The following ZNF563 variants were observed in gnomAD, a reference collection of about 807,000 sequenced individuals.
ZNF563 encodes the protein zinc finger protein 563.
A neutral mutation model predicts 48.5 loss-of-function variants in ZNF563; 39 were observed. That is an observed-to-expected ratio of 0.80 (90% CI 0.62 to 1.05). ZNF563 has a LOEUF of 1.05. ZNF563 is among the 50% of genes least tolerant of loss of function. ZNF563 has a pLI of 0.00. For missense variants in ZNF563, 538 were observed against 597.0 expected, an observed-to-expected ratio of 0.90 and a Z score of 1.03; for synonymous variants, 168 against 187.9, an observed-to-expected ratio of 0.89 and a Z score of 0.87.
chr19:12,332,231 G>C (rs1968936724), intron 1 of ZNF563, among the ~76,000 whole-genome samples: 1 of 151,854 alleles, frequency 6.6e-6, no homozygotes, highest in Admixed American at 6.5e-5. Flanking sequence ...GGGAACAGGG[G>C]AAAGCAGAAA....
chr19:12,325,384 C>T (rs565102704), intron 1 of ZNF563, among the ~76,000 whole-genome samples: 1 of 151,094 alleles, frequency 6.6e-6, no homozygotes, highest in South Asian at 2.1e-4. Context: ...GCAGGAGAAT[C>T]GCTTGAACCT....
Position 12,318,299 on chromosome 19 carries a change from AC to A in ZNF563, c.*294del. The A allele has an allele frequency of 4.7e-6, 2 of 422,814 alleles. No homozygotes were observed. Among genetic ancestry groups the A allele is most frequent in the Non-Finnish European group, 8.5e-6 (2 of 235,422 alleles). The allele number at this position is 422,814 out of a possible 1,614,324, so 26.2% of individuals were successfully genotyped here. On this transcript the variant is annotated 3_prime_UTR_variant, in exon 4 of 4. Coordinates refer to ENST00000293725, the MANE Select transcript of ZNF563 (RefSeq NM_145276.3). Reference sequence around the variant, plus strand: ...TGAGCCACTGTGCCCAGCCTCATGTACTTTTAAGTTACCAAAATGACTGAAG... The same window carrying A: ...TGAGCCACTGTGCCCAGCCTCATGTATTTTAAGTTACCAAAATGACTGAAG...
chr19:12,317,962 T>A lies in ZNF563; in HGVS notation c.*632A>T. On this transcript the variant is annotated 3_prime_UTR_variant, in exon 4 of 4. Transcript: ENST00000293725. The stretch of plus-strand genomic sequence containing the variant: ...TGAGAGAACTCAATGCTTTTCTACA[T>A]TTCTTACATTCATATGACTTCTCTC... 1 of 180,762 alleles carries A rather than the reference T, an allele frequency of 5.5e-6. No individual in the cohort carries two copies. The highest frequency in any genetic ancestry group is 1.3e-5 in the Non-Finnish European group (1 of 76,598). 11.2% of individuals were successfully genotyped at this position (180,762 alleles called of 1,614,324 possible).
At chr19:12,321,137 CTA>C in intron 3 of ZNF563, 133 bp downstream of exon 3, 1 of 593,286 alleles carries the variant, frequency 1.7e-6, no homozygotes, top group Non-Finnish European at 2.7e-6. Context: ...AAGGCCCTGA[CTA>C]AAAAAAAAAG....
the ZNF563 span, among the ~76,000 whole-genome samples, chr19:12,339,531 C>T: frequency 1.3e-5 from 2 of 152,106 alleles, no homozygotes; most frequent in African/African-American, 4.8e-5. Flanking sequence ...CCACCTGCCT[C>T]AGCCTCCCAA....
chr19:12,345,597 C>A, the ZNF563 span, among the ~76,000 whole-genome samples: 1 of 152,060 alleles, frequency 6.6e-6, no homozygotes, highest in African/African-American at 2.4e-5. Context: ...AATCAAAGAC[C>A]TATACTTAAA....
the ZNF563 span, among the ~76,000 whole-genome samples, chr19:12,338,743 T>C: frequency 2.0e-5 from 3 of 152,114 alleles, no homozygotes; most frequent in Admixed American, 2.0e-4. Flanking sequence ...TCCCAGCTAT[T>C]CGGGAGGCTG....
At position 12,319,220 on chromosome 19, in the gene ZNF563, T is replaced by C. The variant is rs765039196; in HGVS notation, c.805A>G (p.Ile269Val). Residue 269 changes from isoleucine (I) to valine (V), a missense_variant, in exon 4 of 4, where the codon ATA becomes GTA. Ile to Val is a conservative substitution (Grantham distance 29). Coordinates refer to ENST00000293725, the MANE Select transcript of ZNF563 (RefSeq NM_145276.3). ...CCAGTGTGAGTTCTTTCATGTCTTA[T>C]ATAGGAACTGGAATCAGGCAAGGCT... ...SKALPDSSSYIRHERTHTGEK... is the reference protein window; with the variant it reads ...SKALPDSSSYVRHERTHTGEK... 69 of 1,613,800 alleles carry C rather than the reference T, an allele frequency of 4.3e-5. No individual in the cohort carries two copies. The East Asian group carries it at 1.4e-3, about 32-fold the overall frequency.
the ZNF563 span, among the ~76,000 whole-genome samples, chr19:12,340,699 C>A: frequency 6.6e-6 from 1 of 152,082 alleles, no homozygotes; most frequent in Non-Finnish European, 1.5e-5. Flanking sequence ...ATCACTGGAA[C>A]CTGAGAGGAG....
chr19:12,329,636 A>G (rs577555888), intron 1 of ZNF563, among the ~76,000 whole-genome samples: 7 of 152,282 alleles, frequency 4.6e-5, no homozygotes, highest in South Asian at 2.1e-4. Context: ...AATATTAGGA[A>G]CAACTGAATG....
At chr19:12,323,515 C>T (rs538869536) in intron 1 of ZNF563, among the ~76,000 whole-genome samples, 1 of 152,366 alleles carries the variant, frequency 6.6e-6, no homozygotes, top group Admixed American at 6.5e-5. Context: ...CACTCCGGCC[C>T]TTGCCATGTA....
At chr19:12,324,881 T>C (rs1041276009) in intron 1 of ZNF563, 9 of 152,152 alleles carry the variant, frequency 5.9e-5, no homozygotes, top group Non-Finnish European at 1.3e-4. Context: ...AAAACCCTTA[T>C]GGAGTTTTTA....
chr19:12,341,078 C>T, the ZNF563 span, among the ~76,000 whole-genome samples: 1 of 152,110 alleles, frequency 6.6e-6, no homozygotes. Flanking sequence ...GGGACAAGGT[C>T]TCACTTCCAT....
the ZNF563 span, chr19:12,346,171 T>C: frequency 4.6e-5 from 7 of 152,056 alleles, no homozygotes; most frequent in African/African-American, 1.7e-4. Context: ...TTCCAAGCAC[T>C]TGGGAGCTGA....
chr19:12,329,095 A>C (rs201275133), intron 1 of ZNF563, among the ~76,000 whole-genome samples: 1 of 152,366 alleles, frequency 6.6e-6, no homozygotes, highest in East Asian at 1.9e-4. Context: ...AGGAAACTAG[A>C]GAATAGCAAG....
In ZNF563 at chr19:12,319,022, G is replaced by A. The variant is rs555208908; in HGVS notation, c.1003C>T (p.Arg335Ter). 17 of 1,613,934 alleles carry A rather than the reference G, an allele frequency of 1.1e-5. No homozygotes were observed. Among genetic ancestry groups the A allele is most frequent in the Middle Eastern group, 1.7e-4 (1 of 6,058 alleles). Reference sequence around the variant, plus strand: ...CCACATATCTTACATTTATGAGGTCGATCTCCAGTGTGCCTTTTCATGTGT... The same window carrying A: ...CCACATATCTTACATTTATGAGGTCAATCTCCAGTGTGCCTTTTCATGTGT... ...QIHMKRHTGD[R>*]PHKCKICGKG... is the part of the protein sequence containing the mutation. The change falls in exon 4 of 4, where the codon CGA (arginine) becomes TGA (stop). Residue 335 changes from arginine to a stop codon, truncating the protein, a stop_gained. Transcript: ENST00000293725. LOFTEE classifies it high-confidence loss of function.
At chr19:12,329,324 T>C (rs1375232282) in intron 1 of ZNF563, among the ~76,000 whole-genome samples, 1 of 151,876 alleles carries the variant, frequency 6.6e-6, no homozygotes, top group African/African-American at 2.4e-5. Context: ...ATACAAAAAT[T>C]AGCTGAGTGT....
Position 12,319,636 on chromosome 19 carries a change from G to A in ZNF563, c.389C>T (p.Pro130Leu), listed in dbSNP as rs759777448. ...SHIRVDSGHK[P>L]HEYQEYGEKP... Reference sequence around the variant, plus strand: ...CTCTCCATATTCCTGATACTCATGTGGTTTGTGTCCAGAATCAACTCTGAT... The same window carrying A: ...CTCTCCATATTCCTGATACTCATGTAGTTTGTGTCCAGAATCAACTCTGAT... Residue 130 changes from proline (P) to leucine (L), a missense_variant, in exon 4 of 4, where the codon CCA becomes CTA. Coordinates refer to ENST00000293725, the MANE Select transcript of ZNF563 (RefSeq NM_145276.3). 1 of 1,614,098 alleles carries A rather than the reference G, an allele frequency of 6.2e-7. No individual in the cohort carries two copies. Among genetic ancestry groups the A allele is most frequent in the South Asian group, 1.1e-5 (1 of 91,072 alleles).
At chr19:12,333,743 C>T, upstream of ZNF563, 1 of 528,112 alleles carries the variant, frequency 1.9e-6, no homozygotes, top group Non-Finnish European at 3.4e-6. Flanking sequence ...CGCCCCATAG[C>T]TCTGATTGGA....
Sources: allele counts gnomAD v4.1 joint callset (sites outside exome capture counted in the v4.1 genomes callset), GRCh38; gene constraint gnomAD v4.1.1; transcripts MANE v1.5; gene names NCBI Gene and HGNC (gene_info 2026-07-23, HGNC 2026-07-21).